Variants in VAV2 observed in about 807,000 individuals in gnomAD.
The protein encoded by VAV2 is guanine nucleotide exchange factor VAV2.
VAV2 carries 67 observed loss-of-function variants against 132.5 expected under a neutral mutation model. That is an observed-to-expected ratio of 0.51 (90% CI 0.42 to 0.62). VAV2 has a LOEUF of 0.62. Among genes scored for constraint, VAV2 ranks in the 20% least tolerant of loss-of-function variants. The pLI is 0.00. For missense variants in VAV2, 938 were observed against 1,153.6 expected, an observed-to-expected ratio of 0.81 and a Z score of 2.71; for synonymous variants, 492 against 443.5, an observed-to-expected ratio of 1.11 and a Z score of -1.37.
rs768420549 is a variant in VAV2, at chr9:133,788,446, G to A, written c.1315C>T (p.Arg439Trp). Reference protein sequence around the residue: ...LFDKVVIVCKRKGYSYELKEI... With the variant: ...LFDKVVIVCKWKGYSYELKEI... Reference sequence around the variant, plus strand: ...TTGAGCTCGTAGCTGTAGCCCTTCCGCTTGCAGACGATGACCACCTTGTCA... The same window carrying A: ...TTGAGCTCGTAGCTGTAGCCCTTCCACTTGCAGACGATGACCACCTTGTCA... Residue 439 changes from arginine (R) to tryptophan (W), a missense_variant, in exon 15 of 30, where the codon CGG becomes TGG. By Grantham distance (101) the Arg-to-Trp change is moderately radical. Coordinates refer to ENST00000371850, the MANE Select transcript of VAV2 (RefSeq NM_001134398.2). This position sits in a 1 kb window ranked among gnomAD's most constrained non-coding sequence, Gnocchi z 5.3. The A allele has an allele frequency of 2.8e-5, 45 of 1,611,804 alleles. No homozygotes were observed. Among genetic ancestry groups the A allele is most frequent in the Non-Finnish European group, 3.4e-5 (40 of 1,178,258 alleles).
At chr9:133,915,670 A>G (rs1588364161) in intron 2 of VAV2, among the ~76,000 whole-genome samples, 1 of 151,576 alleles carries the variant, frequency 6.6e-6, no homozygotes, top group Non-Finnish European at 1.5e-5. Flanking sequence ...GCACACATGC[A>G]CACACACACA....
At chr9:133,922,733 C>T (rs4308797) in intron 2 of VAV2, among the ~76,000 whole-genome samples, 4,107 of 152,202 alleles carry the variant, frequency 0.027, 192 homozygotes, top group African/African-American at 0.093. Flanking sequence ...AACATAAGAG[C>T]TAAAACTATA....
intron 25 of VAV2, among the ~76,000 whole-genome samples, chr9:133,774,495 G>A (rs1392146944): frequency 6.6e-6 from 1 of 152,174 alleles, no homozygotes; most frequent in African/African-American, 2.4e-5. Context: ...CCCAGACTGT[G>A]CCAAAGCCGC....
At chr9:133,839,445 G>A (rs919966867) in intron 3 of VAV2, among the ~76,000 whole-genome samples, 13 of 151,546 alleles carry the variant, frequency 8.6e-5, no homozygotes, top group South Asian at 4.2e-4. Flanking sequence ...AATTAGATAC[G>A]AGGAAGTTTT....
chr9:133,853,172 C>T (rs1294766965), intron 3 of VAV2, among the ~76,000 whole-genome samples: 4 of 152,218 alleles, frequency 2.6e-5, no homozygotes, highest in Non-Finnish European at 4.4e-5. Flanking sequence ...GGTGCACACT[C>T]CTGGTGGCCA....
chr9:133,841,628 A>C (rs539671744), intron 3 of VAV2, among the ~76,000 whole-genome samples: 2 of 152,320 alleles, frequency 1.3e-5, no homozygotes, highest in East Asian at 3.9e-4. Context: ...ATCAGGGAGA[A>C]GCCACAGAAC....
intron 3 of VAV2, among the ~76,000 whole-genome samples, chr9:133,856,775 G>A (rs1278960671): frequency 6.6e-6 from 1 of 152,172 alleles, no homozygotes; most frequent in Non-Finnish European, 1.5e-5. Context: ...CTGCATTCCT[G>A]GGCCCACAGC....
rs1031003413 is a variant in VAV2, at chr9:133,969,884, A to G, written c.204+22191T>C. ...AGTGCAGACACAGTGGAGCTTTCCA[A>G]AGCCAAATCTGAGCACGCCACATCT... On this transcript the variant is annotated intron_variant, in intron 1 of 29. Coordinates refer to ENST00000371850, the MANE Select transcript of VAV2 (RefSeq NM_001134398.2). This position sits in a 1 kb window ranked among gnomAD's most constrained non-coding sequence, Gnocchi z 5.1. 3.3e-5 allele frequency among the ~76,000 whole-genome samples: 5 copies of G among 151,806 alleles called. No individual in the cohort carries two copies.
chr9:133,861,322 G>A (rs1588280942), intron 3 of VAV2, 52 bp downstream of exon 3: 3 of 1,567,502 alleles, frequency 1.9e-6, no homozygotes, highest in East Asian at 4.6e-5. Context: ...GCACGCTGGT[G>A]TCGATGGAGA....
At chr9:133,981,799 T>A (rs886630729) in intron 1 of VAV2, among the ~76,000 whole-genome samples, 7 of 152,098 alleles carry the variant, frequency 4.6e-5, no homozygotes, top group African/African-American at 1.7e-4. Flanking sequence ...TTTCTGGCAG[T>A]GTCATTCCAG....
intron 5 of VAV2, 88 bp downstream of exon 5, chr9:133,812,026 G>A (rs1412362445): frequency 1.4e-6 from 2 of 1,379,508 alleles, no homozygotes; most frequent in African/African-American, 2.8e-5. Context: ...CTCAGACATG[G>A]GGACAGCTCG....
At chr9:133,782,680 C>T (rs1310496033) in intron 19 of VAV2, among the ~76,000 whole-genome samples, 1 of 152,206 alleles carries the variant, frequency 6.6e-6, no homozygotes, top group Non-Finnish European at 1.5e-5. Context: ...CTCAAGGAGA[C>T]AAGACCCAGA....
At chr9:133,988,372 G>A (rs970687638) in intron 1 of VAV2, among the ~76,000 whole-genome samples, 1 of 152,174 alleles carries the variant, frequency 6.6e-6, no homozygotes, top group African/African-American at 2.4e-5. Flanking sequence ...TATTTAAACA[G>A]TCCTGGGAGG....
rs1588241466 is a variant in VAV2, at chr9:133,991,822, G to A, written c.204+253C>T. On this transcript the variant is annotated intron_variant, in intron 1 of 29. Coordinates refer to ENST00000371850, the MANE Select transcript of VAV2 (RefSeq NM_001134398.2). The surrounding 1 kb of genome is among the most constrained non-coding windows in gnomAD (Gnocchi z 4.8). ...CCCAGGCCGCGCAGACCGCGGAACC[G>A]GCGCACCAGAGCAGTGCCCGCGGGC... 6.6e-6 allele frequency among the ~76,000 whole-genome samples: 1 copy of A among 150,984 alleles called. No homozygotes were observed. Among genetic ancestry groups the A allele is most frequent in the East Asian group, 1.9e-4 (1 of 5,162 alleles).
At chr9:133,771,870 A>C in intron 26 of VAV2, 89 bp downstream of exon 26, 3 of 1,252,992 alleles carry the variant, frequency 2.4e-6, no homozygotes, top group Non-Finnish European at 2.3e-6. Flanking sequence ...CAATCCTCAC[A>C]GAAAACATGG....
intron 12 of VAV2, among the ~76,000 whole-genome samples, 158 bp from the exon 13 acceptor site, chr9:133,792,027 GGTGT>G (rs1217661294): frequency 1.3e-5 from 2 of 149,834 alleles, no homozygotes; most frequent in South Asian, 2.1e-4. Flanking sequence ...TGCTGGGTGG[GGTGT>G]GTGTGTGTGA....
Position 133,796,422 on chromosome 9 carries a change from G to A in VAV2, c.1032+7C>T. On this transcript the variant is annotated splice_region_variant and intron_variant, in intron 11 of 29. Transcript: ENST00000371850. ...ACCCCGCAGGCACCCGGGGCCCAGAGCCTCACCTTCAAGAGCAGGTGGTAT... is the reference window on the plus strand; with the variant it reads ...ACCCCGCAGGCACCCGGGGCCCAGAACCTCACCTTCAAGAGCAGGTGGTAT... 1 of 1,612,260 alleles carries A rather than the reference G, an allele frequency of 6.2e-7. No homozygotes were observed. Among genetic ancestry groups the A allele is most frequent in the Non-Finnish European group, 8.5e-7 (1 of 1,179,372 alleles).
intron 17 of VAV2, 145 bp downstream of exon 17, chr9:133,785,631 T>A: frequency 1.5e-6 from 1 of 653,058 alleles, no homozygotes; most frequent in Admixed American, 2.6e-5. Context: ...CCAGGGGTGA[T>A]GGAGGTTGTC....
At position 133,834,232 on chromosome 9, in the gene VAV2, CT is replaced by C. The variant is rs1436169084; in HGVS notation, c.449+39del. The C allele has an allele frequency of 2.5e-6, 4 of 1,580,636 alleles. No individual in the cohort carries two copies. The African/African-American group carries it at 5.4e-5, about 21-fold the overall frequency. ...GACACCACCAGGAACCTCCCTGCCC[CT>C]CCCTCCTCTCCATCCCTCCTCCCAT... On this transcript the variant is annotated intron_variant, in intron 4 of 29. Coordinates refer to ENST00000371850, the MANE Select transcript of VAV2 (RefSeq NM_001134398.2). The surrounding 1 kb of genome is among the most constrained non-coding windows in gnomAD (Gnocchi z 5.9).
Sources: gnomAD v4.1 joint callset for allele counts (sites outside exome capture counted in the v4.1 genomes callset) on GRCh38, gnomAD v4.1.1 for gene constraint, Gnocchi (gnomAD v3.1) non-coding constraint, MANE v1.5 for transcripts, NCBI Gene and HGNC (gene_info 2026-07-23, HGNC 2026-07-21) for gene names.